Variants in IL1RAPL1 observed in about 807,000 individuals in gnomAD.
IL1RAPL1 encodes the protein interleukin 1 receptor accessory protein like 1.
In IL1RAPL1, 3 loss-of-function variants were observed where a neutral mutation model predicts 48.4. That is an observed-to-expected ratio of 0.06 (90% CI 0.03 to 0.16). IL1RAPL1 has a LOEUF of 0.16. Ranked by LOEUF, IL1RAPL1 falls within the 10% of genes least tolerant of loss-of-function variation. The pLI is 1.00. For synonymous variants in IL1RAPL1, 185 were observed against 187.7 expected, an observed-to-expected ratio of 0.99 and a Z score of 0.12; for missense variants, 349 against 530.6, an observed-to-expected ratio of 0.66 and a Z score of 3.36.
chrX:28,993,358 G>T (rs977927271), intron 2 of IL1RAPL1, among the ~76,000 whole-genome samples: 2 of 111,723 alleles, frequency 1.8e-5, no homozygotes, highest in Non-Finnish European at 3.8e-5. Flanking sequence ...CGCAATGACC[G>T]GTGAAGGAGC....
At chrX:29,539,542 A>G (rs780328077) in intron 5 of IL1RAPL1, among the ~76,000 whole-genome samples, 2 of 110,976 alleles carry the variant, frequency 1.8e-5, no homozygotes, top group African/African-American at 3.3e-5. Flanking sequence ...GTAATTCCCA[A>G]TATTGGGGGT....
At chrX:29,613,757 G>T (rs201800640) in intron 5 of IL1RAPL1, among the ~76,000 whole-genome samples, 1 of 70,867 alleles carries the variant, frequency 1.4e-5, no homozygotes, top group African/African-American at 6.8e-5. Flanking sequence ...GTGTGTGTGT[G>T]TTTCTTTTTT....
intron 2 of IL1RAPL1, among the ~76,000 whole-genome samples, chrX:29,014,302 G>A (rs996167611): frequency 4.5e-5 from 5 of 111,771 alleles, no homozygotes; most frequent in African/African-American, 1.6e-4. Context: ...TGGTATCATT[G>A]TTTACAAAAA....
intron 2 of IL1RAPL1, among the ~76,000 whole-genome samples, chrX:29,035,377 T>TAAC (rs1926710857): frequency 1.8e-5 from 2 of 112,367 alleles, no homozygotes; most frequent in Non-Finnish European, 3.8e-5. Context: ...GATCCAAATG[T>TAAC]AACATATTAA....
At chrX:29,096,215 G>T (rs1928210870) in intron 2 of IL1RAPL1, among the ~76,000 whole-genome samples, 1 of 111,273 alleles carries the variant, frequency 9.0e-6, no homozygotes, top group Non-Finnish European at 1.9e-5. Flanking sequence ...GCCTTGGTAA[G>T]GGATTTGTTA....
At position 29,018,177 on chromosome X, in the gene IL1RAPL1, T is replaced by A. The variant is rs560923657; in HGVS notation, c.82+228752T>A. The stretch of plus-strand genomic sequence containing the variant: ...TTCTACATTTCCACTCTCATTGTTT[T>A]ACTCTTTTGCTCTAGCAATTGATCT... On this transcript the variant is annotated intron_variant, in intron 2 of 10. Transcript: ENST00000378993. Among the ~76,000 whole-genome samples, 44 of 112,293 alleles carry A rather than the reference T, an allele frequency of 3.9e-4. No homozygotes were observed. The South Asian group carries it at 0.016, about 42-fold the overall frequency.
rs187413886 is a variant in IL1RAPL1 at position 29,232,309 on chromosome X, A to G, written c.83-50629A>G. Among the ~76,000 whole-genome samples the G allele has an allele frequency of 1.8e-3, 197 of 111,946 alleles. 2 individuals carry two copies. The highest frequency in any genetic ancestry group is 6.0e-3 in the African/African-American group (184 of 30,861). Reference sequence around the variant, plus strand: ...TACCGTAAAATAAAACACACATTATATTTTTAGGGACATAAATATAGGCTA... The same window carrying G: ...TACCGTAAAATAAAACACACATTATGTTTTTAGGGACATAAATATAGGCTA... On this transcript the variant is annotated intron_variant, in intron 2 of 10. Transcript: ENST00000378993.
Position 29,802,995 on chromosome X carries a change from A to G in IL1RAPL1, c.779-114469A>G, listed in dbSNP as rs1168024946. Among the ~76,000 whole-genome samples the G allele has an allele frequency of 8.4e-3, 442 of 52,627 alleles. 4 individuals carry two copies. The highest frequency in any genetic ancestry group is 9.1e-3 in the Non-Finnish European group (277 of 30,406). The allele number at this position is 52,627 out of a possible 115,157, so 45.7% of individuals were successfully genotyped here. A position where few individuals can be genotyped will look rare whatever the true frequency, so the allele number is the denominator to read the frequency against. The stretch of plus-strand genomic sequence containing the variant: ...TATATACATACATGTGTACATATAT[A>G]TGTATGCATATATACATATGTGTAC... On this transcript the variant is annotated intron_variant, in intron 6 of 10. Transcript: ENST00000378993.
chrX:29,129,623 C>A (rs1418811712), intron 2 of IL1RAPL1, among the ~76,000 whole-genome samples: 2 of 66,074 alleles, frequency 3.0e-5, no homozygotes, highest in African/African-American at 6.2e-5. Flanking sequence ...GAGACGGAGT[C>A]TCGCTCTGTC....
chrX:28,835,796 T>C (rs1335915826), intron 2 of IL1RAPL1, among the ~76,000 whole-genome samples: 2 of 111,418 alleles, frequency 1.8e-5, no homozygotes, highest in African/African-American at 6.5e-5. Context: ...ATATTATTTC[T>C]TTTATAAAGT....
At chrX:29,873,544 C>A (rs1223548989) in intron 6 of IL1RAPL1, among the ~76,000 whole-genome samples, 1 of 111,765 alleles carries the variant, frequency 8.9e-6, no homozygotes, top group Non-Finnish European at 1.9e-5. Context: ...TGTGATGACA[C>A]AGCAAAAAGT....
Position 28,965,927 on chromosome X carries a change from G to C in IL1RAPL1, c.82+176502G>C, listed in dbSNP as rs185221425. On this transcript the variant is annotated intron_variant, in intron 2 of 10. Coordinates refer to ENST00000378993, the MANE Select transcript of IL1RAPL1 (RefSeq NM_014271.4). ...CATGTATTTTGTGCCTTTTATTCTTGGGGCACCATATTAGGCATGTACTAA... is the reference window on the plus strand; with the variant it reads ...CATGTATTTTGTGCCTTTTATTCTTCGGGCACCATATTAGGCATGTACTAA... Among the ~76,000 whole-genome samples, 17 of 103,766 alleles carry C rather than the reference G, an allele frequency of 1.6e-4. No individual in the cohort carries two copies. The East Asian group carries it at 4.6e-3, about 28-fold the overall frequency. 90.1% of individuals were successfully genotyped at this position (103,766 alleles called of 115,157 possible).
At chrX:29,836,387 C>T (rs1196073892) in intron 6 of IL1RAPL1, among the ~76,000 whole-genome samples, 2 of 110,350 alleles carry the variant, frequency 1.8e-5, no homozygotes, top group African/African-American at 6.6e-5. Context: ...GACTAGGTTT[C>T]ACCATGTTGG....
intron 2 of IL1RAPL1, among the ~76,000 whole-genome samples, chrX:29,217,771 T>G (rs12845440): frequency 0.072 from 5,371 of 74,770 alleles, 159 homozygotes; most frequent in Non-Finnish European, 0.092. Flanking sequence ...TCTCTCTCTC[T>G]CTCTCTCACA....
intron 1 of IL1RAPL1, among the ~76,000 whole-genome samples, chrX:28,773,687 C>T (rs1406822451): frequency 9.0e-6 from 1 of 111,678 alleles, no homozygotes; most frequent in African/African-American, 3.3e-5. Context: ...TCGAAGACTG[C>T]TCCTTCAACT....
At chrX:29,345,943 T>C (rs1933144089) in intron 3 of IL1RAPL1, among the ~76,000 whole-genome samples, 1 of 112,319 alleles carries the variant, frequency 8.9e-6, no homozygotes, top group Non-Finnish European at 1.9e-5. Flanking sequence ...CCCTATACTT[T>C]TTAATATCTA....
At chrX:29,005,231 G>A (rs1422595878) in intron 2 of IL1RAPL1, among the ~76,000 whole-genome samples, 4 of 111,793 alleles carry the variant, frequency 3.6e-5, no homozygotes, top group South Asian at 3.7e-4. Flanking sequence ...TTATTGGTAC[G>A]TTAGATGTTT....
chrX:29,452,916 ATTTTTT>A (rs72259685), intron 5 of IL1RAPL1, among the ~76,000 whole-genome samples: 2 of 48,879 alleles, frequency 4.1e-5, no homozygotes, highest in Admixed American at 2.3e-4. Context: ...GTGACTACAG[ATTTTTT>A]TTTTTTTTTT....
intron 2 of IL1RAPL1, among the ~76,000 whole-genome samples, chrX:28,970,515 T>C (rs1036741075): frequency 4.5e-5 from 5 of 112,031 alleles, no homozygotes; most frequent in Non-Finnish European, 7.5e-5. Flanking sequence ...ATTGTGTCAA[T>C]TGGATGTTCT....
Sources: gnomAD v4.1 joint callset for allele counts (sites outside exome capture counted in the v4.1 genomes callset) on GRCh38, gnomAD v4.1.1 for gene constraint, MANE v1.5 for transcripts, NCBI Gene and HGNC (gene_info 2026-07-23, HGNC 2026-07-21) for gene names.